Variants in TBC1D22A observed in about 807,000 individuals in gnomAD.
TBC1D22A encodes the protein TBC1 domain family member 22A.
TBC1D22A carries 38 observed loss-of-function variants against 60.2 expected under a neutral mutation model. The ratio of observed to expected loss-of-function variants is 0.63; its 90% CI spans 0.49 to 0.83. The LOEUF is 0.83. Among genes scored for constraint, TBC1D22A ranks in the 40% least tolerant of loss-of-function variants. TBC1D22A has a pLI of 0.00. For synonymous variants in TBC1D22A, 302 were observed against 281.7 expected, an observed-to-expected ratio of 1.07 and a Z score of -0.72; for missense variants, 628 against 701.0, an observed-to-expected ratio of 0.90 and a Z score of 1.18.
chr22:46,972,127 C>T (rs982888275), intron 8 of TBC1D22A, among the ~76,000 whole-genome samples: 10 of 152,222 alleles, frequency 6.6e-5, no homozygotes, highest in African/African-American at 1.4e-4. Context: ...GGCCTGGTTG[C>T]ACCCGGTATG....
intron 3 of TBC1D22A, 144 bp downstream of exon 3, chr22:46,793,985 CT>C (rs2084541297): frequency 1.2e-6 from 1 of 821,550 alleles, no homozygotes. Context: ...TTATGGTTCT[CT>C]TCCAAGGGTA....
intron 1 of TBC1D22A, chr22:46,773,869 T>G: frequency 1.1e-6 from 1 of 928,318 alleles, no homozygotes; most frequent in Non-Finnish European, 1.3e-6. Context: ...ACTCAGAAGC[T>G]GAGCTACGTG....
intron 11 of TBC1D22A, among the ~76,000 whole-genome samples, chr22:47,064,717 T>C (rs1232483944): frequency 6.6e-6 from 1 of 152,204 alleles, no homozygotes; most frequent in African/African-American, 2.4e-5. Context: ...ATCTGGGTAT[T>C]CATAAACGCT....
intron 1 of TBC1D22A, among the ~76,000 whole-genome samples, chr22:46,780,255 A>G (rs1601832065): frequency 1.3e-5 from 2 of 152,220 alleles, no homozygotes; most frequent in East Asian, 3.8e-4. Flanking sequence ...ATTTGACTAG[A>G]TGACTTGCCT....
chr22:47,001,400 C>T lies in TBC1D22A; in HGVS notation c.1201+3691C>T, dbSNP rs1354654545. 4.2e-5 allele frequency among the ~76,000 whole-genome samples: 6 copies of T among 142,980 alleles called. 1 individual carries two copies. The South Asian group carries it at 6.6e-4, about 16-fold the overall frequency. 93.8% of individuals were successfully genotyped at this position (142,980 alleles called of 152,430 possible). A position where few individuals can be genotyped will look rare whatever the true frequency, so the allele number is the denominator to read the frequency against. On this transcript the variant is annotated intron_variant, in intron 10 of 12. Transcript: ENST00000337137. ...CGGAGGTTGCAGTGAGCCGAGATCG[C>T]GCCATTGTACTCCCGCCCGGGCAAC...
intron 7 of TBC1D22A, among the ~76,000 whole-genome samples, chr22:46,900,422 T>C (rs2068925338): frequency 6.6e-6 from 1 of 152,176 alleles, no homozygotes; most frequent in Non-Finnish European, 1.5e-5. Context: ...GGTGCTGGGA[T>C]TACAGGCGTG....
At chr22:46,901,226 G>C (rs1326765197) in intron 7 of TBC1D22A, among the ~76,000 whole-genome samples, 1 of 152,220 alleles carries the variant, frequency 6.6e-6, no homozygotes, top group African/African-American at 2.4e-5. Context: ...TTGCTAACAT[G>C]TGATGTGCCA....
intron 9 of TBC1D22A, among the ~76,000 whole-genome samples, chr22:46,978,408 C>T (rs1022520094): frequency 1.3e-5 from 2 of 152,214 alleles, no homozygotes; most frequent in South Asian, 2.1e-4. Context: ...TGATAGATTA[C>T]TATTTTTCGA....
intron 12 of TBC1D22A, among the ~76,000 whole-genome samples, chr22:47,144,670 A>T (rs1854673193): frequency 6.6e-6 from 1 of 152,012 alleles, no homozygotes; most frequent in Non-Finnish European, 1.5e-5. Context: ...GCGGGACTTC[A>T]CGGGTGCAGC....
At position 47,009,539 on chromosome 22, in the gene TBC1D22A, TG is replaced by T. The variant is rs2061691740; in HGVS notation, c.1201+11831del. ...TCTTCACCATCACCATCATCATCAT[TG>T]CCATCATCACCATCATTACGTCATC... is the stretch of plus-strand genomic sequence containing the variant. On this transcript the variant is annotated intron_variant, in intron 10 of 12. Coordinates refer to ENST00000337137, the MANE Select transcript of TBC1D22A (RefSeq NM_014346.5). The surrounding 1 kb of genome is among the most constrained non-coding windows in gnomAD (Gnocchi z 5.8). Among the ~76,000 whole-genome samples, 3 of 149,644 alleles carry T rather than the reference TG, an allele frequency of 2.0e-5. No individual in the cohort carries two copies. Among genetic ancestry groups the T allele is most frequent in the African/African-American group, 7.4e-5 (3 of 40,306 alleles).
intron 7 of TBC1D22A, among the ~76,000 whole-genome samples, chr22:46,904,100 T>TCAATCTATCA (rs1181616506): frequency 2.1e-5 from 1 of 48,474 alleles, no homozygotes; most frequent in African/African-American, 5.0e-5. Flanking sequence ...AAATAAAATC[T>TCAATCTATCA]ATCTATCTAT....
chr22:47,053,970 G>A (rs567358349), intron 11 of TBC1D22A, among the ~76,000 whole-genome samples: 2 of 152,336 alleles, frequency 1.3e-5, no homozygotes, highest in South Asian at 4.1e-4. Flanking sequence ...GTTGTACAGA[G>A]GAGGAAACAG....
chr22:46,982,036 G>A (rs2074533661), intron 9 of TBC1D22A, among the ~76,000 whole-genome samples: 1 of 152,164 alleles, frequency 6.6e-6, no homozygotes, highest in South Asian at 2.1e-4. Context: ...ACTAAGCTGG[G>A]ACTCCATGGT....
intron 1 of TBC1D22A, among the ~76,000 whole-genome samples, chr22:46,773,596 C>T (rs1011371499): frequency 2.0e-5 from 3 of 152,190 alleles, no homozygotes; most frequent in African/African-American, 7.2e-5. Context: ...TCCCCAGTAG[C>T]TGGGGCTACA....
Position 47,174,378 on chromosome 22 carries a change from G to C in TBC1D22A, c.*752G>C, listed in dbSNP as rs191127753. On this transcript the variant is annotated 3_prime_UTR_variant, in exon 13 of 13. Coordinates refer to ENST00000337137, the MANE Select transcript of TBC1D22A (RefSeq NM_014346.5). The stretch of plus-strand genomic sequence containing the variant: ...CTGAGGTCCAGGGCCAAGTGGCCCC[G>C]CCACGCAGGTAGGCGCCGGCCTCAG... 6.6e-6 allele frequency: 1 copy of C among 152,260 alleles called. No homozygotes were observed. Among genetic ancestry groups the C allele is most frequent in the Non-Finnish European group, 1.5e-5 (1 of 68,060 alleles). The allele number at this position is 152,260 out of a possible 1,614,324, so 9.4% of individuals were successfully genotyped here.
chr22:47,009,766 AG>A lies in TBC1D22A; in HGVS notation c.1201+12059del, dbSNP rs1282909693. On this transcript the variant is annotated intron_variant, in intron 10 of 12. Coordinates refer to ENST00000337137, the MANE Select transcript of TBC1D22A (RefSeq NM_014346.5). This position sits in a 1 kb window ranked among gnomAD's most constrained non-coding sequence, Gnocchi z 5.8. ...CATCACCATCAACAAACTGTACAGC[AG>A]GATGGGTCCATGGTGGGGCTGAGTG... is the stretch of plus-strand genomic sequence containing the variant. 6.6e-6 allele frequency among the ~76,000 whole-genome samples: 1 copy of A among 152,230 alleles called. No individual in the cohort carries two copies. The highest frequency in any genetic ancestry group is 1.9e-4 in the East Asian group (1 of 5,198).
chr22:46,832,071 A>T (rs533511357), intron 4 of TBC1D22A, among the ~76,000 whole-genome samples: 4 of 152,256 alleles, frequency 2.6e-5, no homozygotes, highest in African/African-American at 9.6e-5. Context: ...TTTTGAGTCA[A>T]CTTCTCGGCT....
intron 4 of TBC1D22A, among the ~76,000 whole-genome samples, chr22:46,864,743 G>A (rs1331613145): frequency 6.6e-6 from 1 of 152,184 alleles, no homozygotes; most frequent in Non-Finnish European, 1.5e-5. Flanking sequence ...CTATTTTGGG[G>A]ACCTTATGGA....
At chr22:47,149,464 G>A (rs773716012) in intron 12 of TBC1D22A, among the ~76,000 whole-genome samples, 9 of 152,278 alleles carry the variant, frequency 5.9e-5, no homozygotes, top group African/African-American at 1.7e-4. Context: ...TGTATACAGC[G>A]TGCCACCCCC....
Sources: allele counts gnomAD v4.1 joint callset (sites outside exome capture counted in the v4.1 genomes callset), GRCh38; gene constraint gnomAD v4.1.1; non-coding constraint Gnocchi (gnomAD v3.1); transcripts MANE v1.5; gene names NCBI Gene and HGNC (gene_info 2026-07-23, HGNC 2026-07-21).